The following SLC20A2 variants were observed in gnomAD, a reference collection of about 807,000 sequenced individuals.
SLC20A2 encodes the protein solute carrier family 20 member 2.
In SLC20A2, 30 loss-of-function variants were observed where a neutral mutation model predicts 61.0. The observed-to-expected ratio is 0.49, with a 90% CI of 0.37 to 0.67. SLC20A2 has a LOEUF of 0.67. SLC20A2 is among the 30% of genes least tolerant of loss of function. The pLI, the probability that SLC20A2 is intolerant of heterozygous loss-of-function variation, is 0.00. For synonymous variants in SLC20A2, 351 were observed against 353.3 expected, an observed-to-expected ratio of 0.99 and a Z score of 0.07; for missense variants, 626 against 866.4, an observed-to-expected ratio of 0.72 and a Z score of 3.48.
intron 1 of SLC20A2, among the ~76,000 whole-genome samples, chr8:42,529,299 A>G (rs1005191514): frequency 1.3e-5 from 2 of 152,198 alleles, no homozygotes; most frequent in African/African-American, 4.8e-5. Context: ...TGTAATAAAT[A>G]AGAAATTTTA....
intron 8 of SLC20A2, among the ~76,000 whole-genome samples, chr8:42,433,492 T>C (rs1032792963): frequency 3.3e-5 from 5 of 151,982 alleles, no homozygotes; most frequent in Non-Finnish European, 7.4e-5. Context: ...CCTGGCTAAT[T>C]TTTTGTATTT....
chr8:42,431,708 A>G (rs1054501030), intron 8 of SLC20A2, among the ~76,000 whole-genome samples: 4 of 152,238 alleles, frequency 2.6e-5, no homozygotes, highest in African/African-American at 9.6e-5. Context: ...TCAGAGGCTA[A>G]TGCAGCTGGT....
chr8:42,526,672 C>CAAA (rs35859760), intron 1 of SLC20A2, among the ~76,000 whole-genome samples: 3 of 133,472 alleles, frequency 2.2e-5, no homozygotes, highest in Admixed American at 7.6e-5. Context: ...GACTCTGTCT[C>CAAA]AAAAAAAAAA....
At chr8:42,490,576 G>A (rs1809434451) in intron 1 of SLC20A2, among the ~76,000 whole-genome samples, 1 of 152,172 alleles carries the variant, frequency 6.6e-6, no homozygotes, top group African/African-American at 2.4e-5. Flanking sequence ...CACCCTGAGA[G>A]ACAGAGTAAG....
At chr8:42,461,320 A>G (rs1267658881) in intron 4 of SLC20A2, among the ~76,000 whole-genome samples, 1 of 152,196 alleles carries the variant, frequency 6.6e-6, no homozygotes, top group African/African-American at 2.4e-5. Flanking sequence ...CTCAATGACT[A>G]TGACCTATGC....
rs1802731946 is a variant in SLC20A2, at chr8:42,417,390, A to T, written c.*413T>A. 6.3e-6 allele frequency: 1 copy of T among 158,246 alleles called. No individual in the cohort carries two copies. Among genetic ancestry groups the T allele is most frequent in the African/African-American group, 2.4e-5 (1 of 41,678 alleles). The allele number at this position is 158,246 out of a possible 1,614,324, so 9.8% of individuals were successfully genotyped here. A position where few individuals can be genotyped will look rare whatever the true frequency, so the allele number is the denominator to read the frequency against. On this transcript the variant is annotated 3_prime_UTR_variant, in exon 11 of 11. Transcript: ENST00000520262. The stretch of plus-strand genomic sequence containing the variant: ...GAAAAAAAATCATTTTCCAATCTAC[A>T]CTTTCCTTTTAGAAGGCTTAACATT...
At chr8:42,521,531 C>T (rs1695911131) in intron 1 of SLC20A2, among the ~76,000 whole-genome samples, 1 of 120,276 alleles carries the variant, frequency 8.3e-6, no homozygotes, top group African/African-American at 2.5e-5. Flanking sequence ...CCTCTGCTGC[C>T]CAGGCTACAG....
chr8:42,526,320 A>G (rs1172144938), intron 1 of SLC20A2, among the ~76,000 whole-genome samples: 2 of 152,146 alleles, frequency 1.3e-5, no homozygotes, highest in African/African-American at 4.8e-5. Context: ...TCTACAAAAT[A>G]TCTGACTGGT....
Position 42,437,569 on chromosome 8 carries a change from G to A in SLC20A2, c.943C>T (p.Leu315=), listed in dbSNP as rs762143787. ...TTCACAGAGCCATGGGTCATGGACAGTGCTCTTCCTGAAAAGGGTTAGAGA... is the reference window on the plus strand; with the variant it reads ...TTCACAGAGCCATGGGTCATGGACAATGCTCTTCCTGAAAAGGGTTAGAGA... ...SHPRAAYGRA[L]SMTHGSVKSP... The change falls in exon 8 of 11, where the codon CTG becomes TTG. Residue 315 remains leucine (L), a synonymous_variant. Transcript: ENST00000520262. This position sits in a 1 kb window ranked among gnomAD's most constrained non-coding sequence, Gnocchi z 6.4. 1 of 1,589,900 alleles carries A rather than the reference G, an allele frequency of 6.3e-7. No individual in the cohort carries two copies. The highest frequency in any genetic ancestry group is 8.5e-7 in the Non-Finnish European group (1 of 1,169,844).
At chr8:42,447,633 C>T (rs1234012957) in intron 5 of SLC20A2, among the ~76,000 whole-genome samples, 3 of 152,206 alleles carry the variant, frequency 2.0e-5, no homozygotes, top group South Asian at 2.1e-4. Context: ...GCCAAGATCA[C>T]GCCACTGCAC....
chr8:42,525,253 T>C (rs1214220561), intron 1 of SLC20A2, among the ~76,000 whole-genome samples: 1 of 152,090 alleles, frequency 6.6e-6, no homozygotes, highest in African/African-American at 2.4e-5. Flanking sequence ...GCCTCTGAAA[T>C]CTGCTTACGT....
chr8:42,459,088 T>C lies in SLC20A2; in HGVS notation c.613+808A>G, dbSNP rs754156346. On this transcript the variant is annotated intron_variant, in intron 5 of 10. Coordinates refer to ENST00000520262, the MANE Select transcript of SLC20A2 (RefSeq NM_001257180.2). ...GAGTTCGAGACCAGCCTGGCCAACA[T>C]AGTGAAAACCTGTGGTGTGCTCCTG... is the stretch of plus-strand genomic sequence containing the variant. Among the ~76,000 whole-genome samples the C allele has an allele frequency of 9.4e-5, 14 of 149,220 alleles. No individual in the cohort carries two copies. The South Asian group carries it at 1.1e-3, about 11-fold the overall frequency.
Position 42,492,757 on chromosome 8 carries a change from C to T in SLC20A2, c.-265+8274G>A, listed in dbSNP as rs571201884. 9.5e-4 allele frequency among the ~76,000 whole-genome samples: 144 copies of T among 151,830 alleles called. No homozygotes were observed. In the South Asian group the frequency reaches 0.016, roughly 17 times the overall value. ...AGGCTGGAGTGCAGTGGCGCCATCT[C>T]GGCTCACTGCAAGCTCCGCCTCCCA... On this transcript the variant is annotated intron_variant, in intron 1 of 10. Coordinates refer to ENST00000520262, the MANE Select transcript of SLC20A2 (RefSeq NM_001257180.2).
intron 1 of SLC20A2, among the ~76,000 whole-genome samples, chr8:42,517,307 G>A (rs1459294014): frequency 1.3e-5 from 2 of 150,582 alleles, no homozygotes; most frequent in African/African-American, 2.4e-5. Flanking sequence ...AGTTGAGGCC[G>A]CAGTGGGCCG....
At chr8:42,440,401 G>T (rs1336082344) in intron 6 of SLC20A2, among the ~76,000 whole-genome samples, 3 of 152,068 alleles carry the variant, frequency 2.0e-5, no homozygotes, top group African/African-American at 7.2e-5. Flanking sequence ...TGCGATTTTT[G>T]AGACTGGCTT....
At chr8:42,492,605 G>A (rs1013650147) in intron 1 of SLC20A2, among the ~76,000 whole-genome samples, 4 of 152,160 alleles carry the variant, frequency 2.6e-5, no homozygotes, top group African/African-American at 2.4e-5. Context: ...TCTTCTATGA[G>A]TAACAAAGGT....
intron 1 of SLC20A2, among the ~76,000 whole-genome samples, chr8:42,494,316 G>A (rs768826720): frequency 6.6e-6 from 1 of 152,050 alleles, no homozygotes; most frequent in Non-Finnish European, 1.5e-5. Flanking sequence ...AGAGGCCACT[G>A]CCAAATTAAA....
At chr8:42,442,691 A>C (rs939007250) in intron 6 of SLC20A2, among the ~76,000 whole-genome samples, 3 of 152,200 alleles carry the variant, frequency 2.0e-5, no homozygotes, top group African/African-American at 7.2e-5. Flanking sequence ...GACTTTCTAC[A>C]TGAACTTTAA....
At chr8:42,425,666 T>C (rs1223632530) in intron 10 of SLC20A2, among the ~76,000 whole-genome samples, 1 of 152,204 alleles carries the variant, frequency 6.6e-6, no homozygotes, top group Non-Finnish European at 1.5e-5. Context: ...ATTTTATAGA[T>C]GGCACCCTGC....
Sources: gnomAD v4.1 joint callset for allele counts (sites outside exome capture counted in the v4.1 genomes callset) on GRCh38, gnomAD v4.1.1 for gene constraint, Gnocchi (gnomAD v3.1) non-coding constraint, MANE v1.5 for transcripts, NCBI Gene and HGNC (gene_info 2026-07-23, HGNC 2026-07-21) for gene names.